The following RPS6KA6 variants were observed in gnomAD, a reference collection of about 807,000 sequenced individuals.
The protein encoded by RPS6KA6 is ribosomal protein S6 kinase alpha-6.
Under a neutral mutation model 65.4 loss-of-function variants are expected in RPS6KA6, and 27 were observed. That is an observed-to-expected ratio of 0.41 (90% CI 0.30 to 0.57). The LOEUF is 0.57. RPS6KA6 is among the 20% of genes least tolerant of loss of function. The pLI is 0.24. For missense variants in RPS6KA6, 486 were observed against 555.6 expected (o/e 0.87, Z 1.26); for synonymous variants, 190 against 184.2 (o/e 1.03, Z -0.26).
chrX:84,069,033 T>C (rs1255866455), intron 20 of RPS6KA6, among the ~76,000 whole-genome samples: 3 of 112,119 alleles, frequency 2.7e-5, no homozygotes, highest in African/African-American at 9.7e-5. Context: ...AAGCTACCAC[T>C]GACTTTCTTT....
At chrX:84,109,887 G>A (rs972680787) in intron 12 of RPS6KA6, among the ~76,000 whole-genome samples, 16 of 111,283 alleles carry the variant, frequency 1.4e-4, no homozygotes, top group African/African-American at 4.3e-4. Flanking sequence ...GCCTAGTCCT[G>A]TCTACCACTG....
intron 2 of RPS6KA6, among the ~76,000 whole-genome samples, chrX:84,161,847 T>G (rs939192189): frequency 8.9e-6 from 1 of 111,871 alleles, no homozygotes; most frequent in Non-Finnish European, 1.9e-5. Context: ...TTGCTGACCT[T>G]GCACTAATGT....
intron 9 of RPS6KA6, among the ~76,000 whole-genome samples, 189 bp from the exon 10 acceptor site, chrX:84,117,643 CTATA>C (rs1426487931): frequency 9.0e-6 from 1 of 110,617 alleles, no homozygotes. Context: ...CTCTCTCTCT[CTATA>C]TATATAGCTC....
intron 8 of RPS6KA6, among the ~76,000 whole-genome samples, chrX:84,126,013 TAAC>T (rs2034777167): frequency 9.0e-6 from 1 of 111,310 alleles, no homozygotes; most frequent in Admixed American, 9.6e-5. Flanking sequence ...TTATTAATAA[TAAC>T]ATTTTATGTA....
chrX:84,175,573 C>T (rs1032572730), intron 1 of RPS6KA6, among the ~76,000 whole-genome samples: 6 of 111,127 alleles, frequency 5.4e-5, no homozygotes, highest in Admixed American at 9.7e-5. Context: ...TACCGAGGCT[C>T]TACTTTCTTG....
chrX:84,074,754 C>G (rs188025979), intron 20 of RPS6KA6, among the ~76,000 whole-genome samples: 4 of 110,952 alleles, frequency 3.6e-5, no homozygotes, highest in African/African-American at 1.3e-4. Context: ...TAAAATTCAC[C>G]GTATTTGGTA....
Position 84,064,059 on chromosome X carries a change from A to G in RPS6KA6, c.*218T>C. 3.0e-6 allele frequency: 1 copy of G among 331,632 alleles called. No individual in the cohort carries two copies. The highest frequency in any genetic ancestry group is 5.1e-6 in the Non-Finnish European group (1 of 196,407). 27.3% of individuals were successfully genotyped at this position (331,632 alleles called of 1,213,427 possible). On this transcript the variant is annotated 3_prime_UTR_variant, in exon 22 of 22. Coordinates refer to ENST00000262752, the MANE Select transcript of RPS6KA6 (RefSeq NM_014496.5). ...TGAGGACCTGGTGGACACCAATTAT[A>G]TGCTTAAATAAACACTTGAACACTA...
intron 8 of RPS6KA6, among the ~76,000 whole-genome samples, chrX:84,123,055 C>A (rs189776530): frequency 6.2e-5 from 7 of 112,021 alleles, no homozygotes; most frequent in African/African-American, 2.3e-4. Context: ...CCATTCCAGG[C>A]CCTAGCTCAT....
At chrX:84,118,622 T>G (rs987272698) in intron 9 of RPS6KA6, among the ~76,000 whole-genome samples, 1 of 111,771 alleles carries the variant, frequency 8.9e-6, no homozygotes, top group Non-Finnish European at 1.9e-5. Flanking sequence ...TAACTTACCA[T>G]TCTTTGAACC....
At chrX:84,122,277 G>C (rs1207993595) in intron 8 of RPS6KA6, among the ~76,000 whole-genome samples, 4 of 110,172 alleles carry the variant, frequency 3.6e-5, no homozygotes, top group Non-Finnish European at 7.6e-5. Flanking sequence ...TGAATTCAGT[G>C]CTGCCCTGTT....
chrX:84,176,335 C>G lies in RPS6KA6; in HGVS notation c.81+11484G>C, dbSNP rs763383921. Reference sequence around the variant, plus strand: ...TTTACTTTCCAAAAATATAAGTATTCATGTGGTATAAATGAAGTCATGTAC... The same window carrying G: ...TTTACTTTCCAAAAATATAAGTATTGATGTGGTATAAATGAAGTCATGTAC... On this transcript the variant is annotated intron_variant, in intron 1 of 21. Coordinates refer to ENST00000262752, the MANE Select transcript of RPS6KA6 (RefSeq NM_014496.5). Among the ~76,000 whole-genome samples, 5 of 112,002 alleles carry G rather than the reference C, an allele frequency of 4.5e-5. No homozygotes were observed. In the South Asian group the frequency reaches 1.9e-3, roughly 42 times the overall value.
At chrX:84,147,204 A>C (rs2035214854) in intron 4 of RPS6KA6, 146 bp from the exon 5 acceptor site, 1 of 387,605 alleles carries the variant, frequency 2.6e-6, no homozygotes, top group Non-Finnish European at 4.5e-6. Context: ...TTCCTAGATA[A>C]TGACCATATT....
intron 3 of RPS6KA6, among the ~76,000 whole-genome samples, chrX:84,151,987 T>C (rs1300002237): frequency 9.0e-6 from 1 of 111,152 alleles, no homozygotes; most frequent in Non-Finnish European, 1.9e-5. Flanking sequence ...TTACAAAACA[T>C]AGCCCTTAGT....
chrX:84,077,838 C>A (rs1367444131), intron 20 of RPS6KA6, among the ~76,000 whole-genome samples: 1 of 111,582 alleles, frequency 9.0e-6, no homozygotes, highest in Non-Finnish European at 1.9e-5. Context: ...GAAAAGATAA[C>A]AATTCAAAGG....
chrX:84,112,540 A>T (rs1442033979), intron 12 of RPS6KA6, among the ~76,000 whole-genome samples: 1 of 112,141 alleles, frequency 8.9e-6, no homozygotes, highest in Non-Finnish European at 1.9e-5. Context: ...ACACAAGTAC[A>T]TGGAAATGAA....
At chrX:84,124,830 T>C (rs2034746376) in intron 8 of RPS6KA6, among the ~76,000 whole-genome samples, 1 of 111,408 alleles carries the variant, frequency 9.0e-6, no homozygotes, top group Non-Finnish European at 1.9e-5. Flanking sequence ...TCCAACAGAT[T>C]TAAACCAAAG....
At chrX:84,092,455 C>T (rs2034065868) in intron 20 of RPS6KA6, among the ~76,000 whole-genome samples, 1 of 109,841 alleles carries the variant, frequency 9.1e-6, no homozygotes, top group South Asian at 4.0e-4. Flanking sequence ...AAGATCATCT[C>T]TACTGAATAT....
intron 19 of RPS6KA6, among the ~76,000 whole-genome samples, chrX:84,096,910 T>C (rs2034168204): frequency 9.0e-6 from 1 of 111,255 alleles, no homozygotes. Flanking sequence ...TTAACTTCAG[T>C]ATTTACTGTT....
intron 3 of RPS6KA6, among the ~76,000 whole-genome samples, chrX:84,152,772 T>C (rs183472288): frequency 9.0e-6 from 1 of 111,429 alleles, no homozygotes; most frequent in East Asian, 2.8e-4. Context: ...ATGGACTAAA[T>C]TATGTCCCCT....
Sources: allele counts gnomAD v4.1 joint callset (sites outside exome capture counted in the v4.1 genomes callset), GRCh38; gene constraint gnomAD v4.1.1; transcripts MANE v1.5; gene names NCBI Gene and HGNC (gene_info 2026-07-23, HGNC 2026-07-21).